The following FRMD5 variants were observed in gnomAD, a reference collection of about 807,000 sequenced individuals.
FRMD5 encodes FERM domain containing 5, also known as FERM domain-containing protein 5.
A neutral mutation model predicts 69.0 loss-of-function variants in FRMD5; 20 were observed. The observed-to-expected ratio is 0.29, with a 90% CI of 0.20 to 0.42. FRMD5 has a LOEUF of 0.42. FRMD5 is among the 10% of genes least tolerant of loss of function. The pLI is 1.00. For missense variants in FRMD5, 595 were observed against 708.6 expected, an observed-to-expected ratio of 0.84 and a Z score of 1.82; for synonymous variants, 271 against 260.1, an observed-to-expected ratio of 1.04 and a Z score of -0.40.
At chr15:44,088,725 T>C (rs1894307448) in intron 1 of FRMD5, among the ~76,000 whole-genome samples, 1 of 152,216 alleles carries the variant, frequency 6.6e-6, no homozygotes, top group Non-Finnish European at 1.5e-5. Context: ...ATATGTGCTC[T>C]CCTTTAATTG....
intron 1 of FRMD5, among the ~76,000 whole-genome samples, chr15:44,055,302 T>G (rs12907002): frequency 1.3e-5 from 2 of 152,084 alleles, no homozygotes; most frequent in Admixed American, 6.6e-5. Flanking sequence ...AGTAGCACTG[T>G]AGAAGCATCA....
At chr15:44,099,420 C>T (rs577543131) in intron 1 of FRMD5, among the ~76,000 whole-genome samples, 2 of 152,044 alleles carry the variant, frequency 1.3e-5, no homozygotes, top group East Asian at 3.8e-4. Context: ...CATGACCTCT[C>T]TTGGAGGTGG....
At position 43,885,714 on chromosome 15, in the gene FRMD5, T is replaced by C. The variant is rs548976187; in HGVS notation, c.926A>G (p.Asn309Ser). ...SSQVRTVSSS[N>S]LFFKGSRFRY... is the part of the protein sequence containing the mutation. ...GAACCGGCTCCCTTTAAAGAATAAA[T>C]TGCTGCTGGACACTGTGCGGACTTG... Residue 309 changes from asparagine to serine, a missense_variant, in exon 11 of 14, where the codon AAT (asparagine) becomes AGT (serine). Transcript: ENST00000417257. 16 of 1,614,188 alleles carry C rather than the reference T, an allele frequency of 9.9e-6. No individual in the cohort carries two copies. The highest frequency in any genetic ancestry group is 1.7e-5 in the Admixed American group (1 of 60,034).
chr15:43,893,198 G>A (rs546487734), intron 7 of FRMD5, among the ~76,000 whole-genome samples: 1 of 152,160 alleles, frequency 6.6e-6, no homozygotes, highest in South Asian at 2.1e-4. Flanking sequence ...GAGTGGGGGA[G>A]TTGTTATCCA....
At chr15:44,086,177 T>C (rs769332724) in intron 1 of FRMD5, among the ~76,000 whole-genome samples, 5 of 152,160 alleles carry the variant, frequency 3.3e-5, no homozygotes, top group African/African-American at 4.8e-5. Context: ...AAACTAAACA[T>C]AGAACTACCA....
chr15:43,897,966 C>T (rs761111605), intron 7 of FRMD5, among the ~76,000 whole-genome samples: 10 of 152,178 alleles, frequency 6.6e-5, no homozygotes, highest in East Asian at 1.9e-4. Flanking sequence ...CTTCCCCTTC[C>T]GCTATGATTG....
At chr15:44,127,845 C>T (rs1259690363) in intron 1 of FRMD5, among the ~76,000 whole-genome samples, 1 of 152,092 alleles carries the variant, frequency 6.6e-6, no homozygotes, top group East Asian at 1.9e-4. Context: ...GCACTCCAGC[C>T]TGGGCAATAA....
At chr15:44,181,965 GT>G (rs889098581) in intron 1 of FRMD5, among the ~76,000 whole-genome samples, 1 of 151,064 alleles carries the variant, frequency 6.6e-6, no homozygotes, top group Non-Finnish European at 1.5e-5. Context: ...AACATGATGG[GT>G]TCATTTTTTC....
chr15:43,919,628 A>G (rs1464049823), intron 3 of FRMD5, 91 bp from the exon 4 acceptor site: 4 of 1,454,698 alleles, frequency 2.7e-6, no homozygotes, highest in East Asian at 2.3e-5. Context: ...AGCAGAAGAG[A>G]ACCCTCATAT....
At chr15:44,088,893 A>C (rs1296830484) in intron 1 of FRMD5, among the ~76,000 whole-genome samples, 8 of 152,160 alleles carry the variant, frequency 5.3e-5, no homozygotes, top group East Asian at 1.9e-4. Context: ...AAGCCGTAAG[A>C]CCCTAAGCCC....
intron 1 of FRMD5, among the ~76,000 whole-genome samples, chr15:44,183,637 G>A (rs1391351409): frequency 6.6e-6 from 1 of 152,148 alleles, no homozygotes; most frequent in Non-Finnish European, 1.5e-5. Flanking sequence ...CAGGCCCAGA[G>A]GGCTCCTTTA....
chr15:44,036,822 T>A (rs1033766520), intron 1 of FRMD5, among the ~76,000 whole-genome samples: 5 of 152,194 alleles, frequency 3.3e-5, no homozygotes, highest in African/African-American at 1.2e-4. Flanking sequence ...CTGGTGAGCA[T>A]CCTGATCATA....
chr15:44,136,522 G>A (rs2077188052), intron 1 of FRMD5, among the ~76,000 whole-genome samples: 1 of 152,084 alleles, frequency 6.6e-6, no homozygotes, highest in Non-Finnish European at 1.5e-5. Flanking sequence ...AAGAGGGAGA[G>A]TAAGATTTAT....
At chr15:43,882,812 T>C (rs1595477702) in intron 13 of FRMD5, among the ~76,000 whole-genome samples, 1 of 152,068 alleles carries the variant, frequency 6.6e-6, no homozygotes, top group Admixed American at 6.5e-5. Context: ...GGAATCCTCT[T>C]TTTTTTCTTG....
rs77676298 is a variant in FRMD5, at chr15:44,125,736, C to T, written c.102+69217G>A. Among the ~76,000 whole-genome samples the T allele has an allele frequency of 2.1e-3, 318 of 152,188 alleles. 12 individuals are homozygous for T. In the East Asian group the frequency reaches 0.051, roughly 24 times the overall value. ...TTTTTCTTAACAGTCTTCCAAATTC[C>T]GACATCATTTTTATGACCTCTTGTG... On this transcript the variant is annotated intron_variant, in intron 1 of 13. Coordinates refer to ENST00000417257, the MANE Select transcript of FRMD5 (RefSeq NM_032892.5).
intron 4 of FRMD5, among the ~76,000 whole-genome samples, chr15:43,912,027 G>T (rs1469130931): frequency 6.6e-6 from 1 of 152,140 alleles, no homozygotes; most frequent in African/African-American, 2.4e-5. Context: ...CATATCAGGG[G>T]TATCAGCATC....
intron 1 of FRMD5, among the ~76,000 whole-genome samples, chr15:43,938,257 C>T (rs2089799196): frequency 6.8e-6 from 1 of 146,968 alleles, no homozygotes; most frequent in Non-Finnish European, 1.5e-5. Context: ...AAAAAGCCTA[C>T]CATGTGCAAA....
chr15:43,901,325 T>A (rs748634878), intron 7 of FRMD5, among the ~76,000 whole-genome samples: 3 of 152,240 alleles, frequency 2.0e-5, no homozygotes, highest in Admixed American at 6.5e-5. Context: ...CCCTAGGAAC[T>A]AATATACTAT....
chr15:44,150,468 C>T (rs571918549), intron 1 of FRMD5, among the ~76,000 whole-genome samples: 26 of 151,404 alleles, frequency 1.7e-4, no homozygotes, highest in Admixed American at 3.3e-4. Flanking sequence ...ATGAATTCAT[C>T]GAAGTCTCAG....
Sources: gnomAD v4.1 joint callset for allele counts (sites outside exome capture counted in the v4.1 genomes callset) on GRCh38, gnomAD v4.1.1 for gene constraint, MANE v1.5 for transcripts, NCBI Gene and HGNC (gene_info 2026-07-23, HGNC 2026-07-21) for gene names.